Variants in TCTN2 observed in about 807,000 individuals in gnomAD.
The protein encoded by TCTN2 is tectonic family member 2, also known as tectonic-2.
Under a neutral mutation model 83.4 loss-of-function variants are expected in TCTN2, and 66 were observed. The observed-to-expected ratio is 0.79, with a 90% CI of 0.65 to 0.97. The LOEUF is 0.97. Ranked by LOEUF, TCTN2 falls within the 50% of genes least tolerant of loss-of-function variation. The pLI is 0.00. For missense variants in TCTN2, 794 were observed against 858.1 expected (o/e 0.93, Z 0.93); for synonymous variants, 301 against 326.7 (o/e 0.92, Z 0.85).
intron 7 of TCTN2, 125 bp downstream of exon 7, chr12:123,688,302 G>A (rs1309904422): frequency 7.1e-6 from 9 of 1,267,536 alleles, no homozygotes; most frequent in Non-Finnish European, 9.7e-6. Context: ...TGCAACCTCT[G>A]CCTCCCGGGT....
At chr12:123,686,036 AATTTATTTATTT>A (rs373077132) in intron 5 of TCTN2, among the ~76,000 whole-genome samples, 1 of 150,638 alleles carries the variant, frequency 6.6e-6, no homozygotes, top group Admixed American at 6.6e-5. Context: ...CAGTCCAAGT[AATTTATTTATTT>A]ATTTATTTAT....
chr12:123,680,357 A>AAC (rs1188883601), intron 5 of TCTN2, among the ~76,000 whole-genome samples: 3 of 151,348 alleles, frequency 2.0e-5, no homozygotes, highest in Admixed American at 6.6e-5. Flanking sequence ...CGTTTCAAAA[A>AAC]AAAAAAAAAA....
At chr12:123,701,222 A>G (rs182699034) in intron 14 of TCTN2, among the ~76,000 whole-genome samples, 128 of 152,330 alleles carry the variant, frequency 8.4e-4, no homozygotes, top group African/African-American at 3.0e-3. Context: ...GAGACAGCAG[A>G]TTAGTGGATG....
chr12:123,702,640 G>C (rs758747623), intron 14 of TCTN2, among the ~76,000 whole-genome samples: 1 of 152,160 alleles, frequency 6.6e-6, no homozygotes, highest in Non-Finnish European at 1.5e-5. Flanking sequence ...CAGAGGTCGA[G>C]CTTGTCAAGC....
At chr12:123,688,216 T>C (rs779646610) in intron 7 of TCTN2, 39 bp downstream of exon 7, 16 of 1,146,514 alleles carry the variant, frequency 1.4e-5, no homozygotes, top group South Asian at 1.0e-4. Context: ...CCGTTCTCTT[T>C]TTTTTTTTTT....
chr12:123,673,891 C>A, intron 4 of TCTN2, 81 bp downstream of exon 4: 1 of 1,423,338 alleles, frequency 7.0e-7, no homozygotes, highest in Non-Finnish European at 9.9e-7. Context: ...TTGCTTGAGC[C>A]CGGGAGGTTG....
At chr12:123,707,293 C>T in intron 17 of TCTN2, 1 of 617,712 alleles carries the variant, frequency 1.6e-6, no homozygotes, top group Admixed American at 2.9e-5. Context: ...GACACCCTGG[C>T]TGGAGTGCAG....
intron 5 of TCTN2, among the ~76,000 whole-genome samples, chr12:123,682,390 GTGTTTTAAATTGGGC>G (rs1566248970): frequency 1.3e-5 from 2 of 151,966 alleles, no homozygotes; most frequent in East Asian, 3.8e-4. Flanking sequence ...CCCTTCACCC[GTGTTTTAAATTGGGC>G]TGTCTTTTTG....
chr12:123,686,725 C>T, intron 5 of TCTN2, 111 bp from the exon 6 acceptor site: 1 of 1,036,188 alleles, frequency 9.7e-7, no homozygotes, highest in Non-Finnish European at 1.5e-6. Context: ...TATAGGTTTT[C>T]TTGCTTACTT....
chr12:123,671,760 A>G lies in TCTN2; in HGVS notation c.190+146A>G. 4.2e-6 allele frequency: 3 copies of G among 707,830 alleles called. No homozygotes were observed. The South Asian group carries it at 5.0e-5, about 12-fold the overall frequency. 43.8% of individuals were successfully genotyped at this position (707,830 alleles called of 1,614,324 possible). ...GAGAAAAGGATCGGGCGGCTGCTGTAGGCCAAAGAGGACAGACGGACAGGT... is the reference window on the plus strand; with the variant it reads ...GAGAAAAGGATCGGGCGGCTGCTGTGGGCCAAAGAGGACAGACGGACAGGT... On this transcript the variant is annotated intron_variant, in intron 2 of 17. Coordinates refer to ENST00000303372, the MANE Select transcript of TCTN2 (RefSeq NM_024809.5).
chr12:123,692,659 C>T lies in TCTN2; in HGVS notation c.1035C>T (p.Gly345=). ...NAKIKNVALG[G]IVTPKVIYEE... ...AGTTAATTTATGTTATCTCTTTAGG[C>T]ATAGTTACACCAAAAGTGATCTATG... Residue 345 remains glycine (G), a splice_region_variant and synonymous_variant, in exon 9 of 18, where the codon GGC becomes GGT. Coordinates refer to ENST00000303372, the MANE Select transcript of TCTN2 (RefSeq NM_024809.5). 6.2e-7 allele frequency: 1 copy of T among 1,611,382 alleles called. No individual in the cohort carries two copies. The highest frequency in any genetic ancestry group is 8.5e-7 in the Non-Finnish European group (1 of 1,177,548).
intron 6 of TCTN2, 66 bp downstream of exon 6, chr12:123,687,101 G>A: frequency 6.4e-7 from 1 of 1,569,800 alleles, no homozygotes; most frequent in Non-Finnish European, 8.8e-7. Flanking sequence ...CCATACTCTA[G>A]TAGGCCCTGC....
chr12:123,698,111 C>T (rs1160334210), intron 13 of TCTN2, among the ~76,000 whole-genome samples: 1 of 151,974 alleles, frequency 6.6e-6, no homozygotes, highest in East Asian at 1.9e-4. Flanking sequence ...GGCATAATCT[C>T]AGCTCACTGC....
intron 5 of TCTN2, among the ~76,000 whole-genome samples, chr12:123,680,188 A>G (rs1955879664): frequency 6.6e-6 from 1 of 151,650 alleles, no homozygotes; most frequent in South Asian, 2.1e-4. Flanking sequence ...CCCCATCTCT[A>G]CTAAAAATAC....
In TCTN2 at chr12:123,692,531, G is replaced by C. The variant is rs896525728; in HGVS notation, c.1034-127G>C. On this transcript the variant is annotated intron_variant, in intron 8 of 17. Coordinates refer to ENST00000303372, the MANE Select transcript of TCTN2 (RefSeq NM_024809.5). ...CTGATGGTTTTTGGGGAGTGGGGAG[G>C]GTTTTGTAGTCAGCACCCTGGGCAG... 5 of 744,488 alleles carry C rather than the reference G, an allele frequency of 6.7e-6. No homozygotes were observed. In the African/African-American group the frequency reaches 6.9e-5, roughly 10 times the overall value. The allele number at this position is 744,488 out of a possible 1,614,324, so 46.1% of individuals were successfully genotyped here.
intron 6 of TCTN2, among the ~76,000 whole-genome samples, chr12:123,687,500 A>G (rs543570077): frequency 6.4e-4 from 98 of 152,258 alleles, no homozygotes; most frequent in Middle Eastern, 3.4e-3. Flanking sequence ...TACTAAAAAT[A>G]CAAAAAATTA....
intron 4 of TCTN2, among the ~76,000 whole-genome samples, chr12:123,675,202 C>T (rs1181633500): frequency 1.3e-5 from 2 of 152,174 alleles, no homozygotes; most frequent in East Asian, 3.9e-4. Context: ...GATGCTACAG[C>T]AAAGATCGTT....
chr12:123,691,486 C>T (rs1464132360), intron 8 of TCTN2, among the ~76,000 whole-genome samples: 2 of 152,140 alleles, frequency 1.3e-5, no homozygotes, highest in Non-Finnish European at 2.9e-5. Flanking sequence ...CACTTCATTC[C>T]TTTTTATGGC....
At chr12:123,687,244 A>T (rs781315545) in intron 6 of TCTN2, among the ~76,000 whole-genome samples, 2 of 152,250 alleles carry the variant, frequency 1.3e-5, no homozygotes, top group Admixed American at 6.5e-5. Flanking sequence ...ATTGATTGAC[A>T]TTGAAAACAG....
Sources: gnomAD v4.1 joint callset for allele counts (sites outside exome capture counted in the v4.1 genomes callset) on GRCh38, gnomAD v4.1.1 for gene constraint, MANE v1.5 for transcripts, NCBI Gene and HGNC (gene_info 2026-07-23, HGNC 2026-07-21) for gene names.